The following TCF20 variants were observed in gnomAD, a reference collection of about 807,000 sequenced individuals.
TCF20 encodes the protein transcription factor 20.
In TCF20, 3 loss-of-function variants were observed where a neutral mutation model predicts 148.6. The observed-to-expected ratio is 0.02, with a 90% CI of 0.01 to 0.05. TCF20 has a LOEUF of 0.05. Ranked by LOEUF, TCF20 falls within the 10% of genes least tolerant of loss-of-function variation. The pLI, the probability that TCF20 is intolerant of heterozygous loss-of-function variation, is 1.00. For synonymous variants in TCF20, 1,049 were observed against 909.5 expected, an observed-to-expected ratio of 1.15 and a Z score of -2.76; for missense variants, 2,350 against 2,429.3, an observed-to-expected ratio of 0.97 and a Z score of 0.69.
intron 1 of TCF20, among the ~76,000 whole-genome samples, chr22:42,310,362 G>C (rs1003892240): frequency 1.3e-4 from 20 of 151,108 alleles, no homozygotes; most frequent in African/African-American, 2.4e-5. Context: ...GGGCTACGGA[G>C]CCCATGTCCC....
intron 3 of TCF20, among the ~76,000 whole-genome samples, chr22:42,173,796 C>T (rs1480660021): frequency 6.6e-6 from 1 of 152,142 alleles, no homozygotes. Context: ...CTCTGGGTCC[C>T]AGGTCTCCAC....
rs1927122071 is a variant in TCF20, at chr22:42,290,951, C to T, written c.-37+52528G>A. ...ACAACCTCAGTACAACCATGAGAGG[C>T]AGCTTGAAAATGCCCATTTACAAAT... On this transcript the variant is annotated intron_variant, in intron 1 of 1. Transcript: ENST00000515426. This position sits in a 1 kb window ranked among gnomAD's most constrained non-coding sequence, Gnocchi z 4.2. 6.6e-6 allele frequency among the ~76,000 whole-genome samples: 1 copy of T among 152,180 alleles called. No homozygotes were observed. The highest frequency in any genetic ancestry group is 6.5e-5 in the Admixed American group (1 of 15,278).
In TCF20 at chr22:42,196,876, G is replaced by A. The variant is rs1249834913; in HGVS notation, c.5655+12775C>T. 2.0e-5 allele frequency among the ~76,000 whole-genome samples: 3 copies of A among 152,178 alleles called. No homozygotes were observed. In the South Asian group the frequency reaches 6.2e-4, roughly 32 times the overall value. The stretch of plus-strand genomic sequence containing the variant: ...ACCACTTCAGATTTGAGTTCGGCTG[G>A]AAATTTGTTATTCTGTTGACCCTGG... On this transcript the variant is annotated intron_variant, in intron 2 of 5. Transcript: ENST00000677622.
At chr22:42,298,080 G>T (rs1046337545) in intron 1 of TCF20, among the ~76,000 whole-genome samples, 3 of 152,236 alleles carry the variant, frequency 2.0e-5, no homozygotes, top group African/African-American at 7.2e-5. Context: ...TTTCTCACAT[G>T]TCCTGAGAGG....
At chr22:42,180,465 G>A (rs916263458) in intron 2 of TCF20, among the ~76,000 whole-genome samples, 4 of 152,292 alleles carry the variant, frequency 2.6e-5, no homozygotes, top group African/African-American at 9.6e-5. Flanking sequence ...TGTCAGGTAA[G>A]AAATGTGTCC....
At chr22:42,313,719 C>T (rs373725954) in intron 1 of TCF20, among the ~76,000 whole-genome samples, 82 of 151,986 alleles carry the variant, frequency 5.4e-4, no homozygotes, top group African/African-American at 1.2e-3. Context: ...CCCGCCTCAG[C>T]CTCCCGAGTA....
At chr22:42,281,989 G>C (rs1461009055) in intron 1 of TCF20, among the ~76,000 whole-genome samples, 1 of 152,244 alleles carries the variant, frequency 6.6e-6, no homozygotes, top group Non-Finnish European at 1.5e-5. Flanking sequence ...ACTGTGAGAG[G>C]GCAAAGAAGG....
intron 1 of TCF20, among the ~76,000 whole-genome samples, chr22:42,291,823 T>TA: frequency 6.6e-6 from 1 of 151,712 alleles, no homozygotes; most frequent in East Asian, 2.0e-4. Context: ...AGAGCACAGA[T>TA]ACACACAAAG....
chr22:42,191,541 G>A lies in TCF20; in HGVS notation c.5656-11839C>T, dbSNP rs548198507. Among the ~76,000 whole-genome samples the A allele has an allele frequency of 1.4e-4, 21 of 152,164 alleles. No homozygotes were observed. In the East Asian group the frequency reaches 2.9e-3, roughly 21 times the overall value. On this transcript the variant is annotated intron_variant, in intron 2 of 5. Transcript: ENST00000677622. ...TGACCTAAGGTGATCCACCCTCCTC[G>A]GCCTCCCAAAGTGCGGGGATTACAG...
chr22:42,227,518 T>A (rs893556748), intron 1 of TCF20, among the ~76,000 whole-genome samples: 2 of 152,132 alleles, frequency 1.3e-5, no homozygotes, highest in Admixed American at 1.3e-4. Flanking sequence ...CATACAAGCC[T>A]CCACATCAGG....
chr22:42,250,395 G>T, intron 1 of TCF20, among the ~76,000 whole-genome samples: 1 of 138,194 alleles, frequency 7.2e-6, no homozygotes, highest in Admixed American at 7.9e-5. Context: ...GCAGTGAGCC[G>T]AGACCACACC....
intron 1 of TCF20, among the ~76,000 whole-genome samples, chr22:42,228,865 T>TA (rs571577010): frequency 0.02 from 2,952 of 151,286 alleles, 64 homozygotes; most frequent in Non-Finnish European, 0.034. Context: ...GAACAGCACT[T>TA]AAAAAAAAAT....
At position 42,212,968 on chromosome 22, in the gene TCF20, C is replaced by T. The variant is rs1450847918; in HGVS notation, c.2338G>A (p.Gly780Ser). The change falls in exon 2 of 6, where the codon GGT becomes AGT. Residue 780 changes from glycine (G) to serine (S), a missense_variant. Gly to Ser is a moderately conservative substitution (Grantham distance 56). Around this residue, in one of 7 missense-constraint regions of TCF20, gnomAD observed 1,641 missense variants for 1,662.6 expected, o/e 0.99. Transcript: ENST00000677622. ...GGCCTTGTGGTTCCTTCTAGGCTAC[C>T]AGCCATCCCCTGATGCTCTTGAGTA... ...RSTQEHQGMA[G>S]SLEGTTRPNV... The T allele has an allele frequency of 2.5e-6, 4 of 1,614,006 alleles. No homozygotes were observed. Among genetic ancestry groups the T allele is most frequent in the Admixed American group, 1.7e-5 (1 of 60,004 alleles).
chr22:42,242,227 A>AAAAAAAAAAAAAAAGAAAAAAAAAT (rs1491280192), intron 1 of TCF20, among the ~76,000 whole-genome samples: 2 of 122,704 alleles, frequency 1.6e-5, no homozygotes, highest in African/African-American at 3.2e-5. Context: ...AAAAAAAAAA[A>AAAAAAAAAAAAAAAGAAAAAAAAAT]CAGAAAAGAA....
intron 1 of TCF20, among the ~76,000 whole-genome samples, chr22:42,293,802 C>A (rs536645394): frequency 6.6e-6 from 1 of 152,208 alleles, no homozygotes; most frequent in South Asian, 2.1e-4. Flanking sequence ...GAGTTTGAGA[C>A]CAGCCCGACC....
chr22:42,241,230 CCT>C (rs1924372831), intron 1 of TCF20, among the ~76,000 whole-genome samples: 1 of 152,112 alleles, frequency 6.6e-6, no homozygotes, highest in Admixed American at 6.5e-5. Context: ...ACACCCAAAG[CCT>C]CTAATTATTT....
rs3045578 is a variant in TCF20 at position 42,243,292 on chromosome 22, C to CAAAAAAAAAAAAAA, written c.-37+27033_-37+27046dup. ...TGGCTGGCAGAGCAAGACACTGTCT[C>CAAAAAAAAAAAAAA]AAAAAAAAAAAAAAAAAAAAAAAAA... On this transcript the variant is annotated intron_variant, in intron 1 of 5. Coordinates refer to ENST00000677622, the MANE Select transcript of TCF20 (RefSeq NM_001378418.1). 5.8e-4 allele frequency among the ~76,000 whole-genome samples: 23 copies of CAAAAAAAAAAAAAA among 39,498 alleles called. 4 individuals are homozygous for CAAAAAAAAAAAAAA. The highest frequency in any genetic ancestry group is 1.1e-3 in the African/African-American group (13 of 11,758). 25.9% of individuals were successfully genotyped at this position (39,498 alleles called of 152,430 possible). A position where few individuals can be genotyped will look rare whatever the true frequency, so the allele number is the denominator to read the frequency against.
At chr22:42,224,329 G>A (rs991741792) in intron 1 of TCF20, among the ~76,000 whole-genome samples, 2 of 151,650 alleles carry the variant, frequency 1.3e-5, no homozygotes, top group Admixed American at 6.6e-5. Flanking sequence ...AAAATTAGTC[G>A]GGCGTGGTGG....
chr22:42,212,379 G>A lies in TCF20; in HGVS notation c.2927C>T (p.Ser976Leu). 2 of 1,614,244 alleles carry A rather than the reference G, an allele frequency of 1.2e-6. No homozygotes were observed. Among genetic ancestry groups the A allele is most frequent in the Non-Finnish European group, 1.7e-6 (2 of 1,180,038 alleles). ...SPGAATHDSL[S>L]DYGPQDSRPT... ...TCTGCTGTCTTGCGGGCCATAGTCT[G>A]AAAGGGAATCATGGGTTGCTGCTCC... Residue 976 changes from serine (S) to leucine (L), a missense_variant, in exon 2 of 6, where the codon TCA (serine) becomes TTA (leucine). By Grantham distance (145) the Ser-to-Leu change is moderately radical. Transcript: ENST00000677622.
Sources: gnomAD v4.1 joint callset for allele counts (sites outside exome capture counted in the v4.1 genomes callset) on GRCh38, gnomAD v4.1.1 for gene constraint, gnomAD v4.1.1 regional missense constraint, Gnocchi (gnomAD v3.1) non-coding constraint, MANE v1.5 for transcripts, NCBI Gene and HGNC (gene_info 2026-07-23, HGNC 2026-07-21) for gene names.